Variants in ZNF274 observed in about 807,000 individuals in gnomAD.
ZNF274 encodes the protein zinc finger protein 274.
A neutral mutation model predicts 42.5 loss-of-function variants in ZNF274; 23 were observed. That is an observed-to-expected ratio of 0.54 (90% confidence interval 0.39 to 0.77). The LOEUF is 0.77. Among genes scored for constraint, ZNF274 ranks in the 30% least tolerant of loss-of-function variants. The pLI is 0.00. For synonymous variants in ZNF274, 292 were observed against 305.4 expected (o/e 0.96, Z 0.46); for missense variants, 679 against 806.5 (o/e 0.84, Z 1.91).
At chr19:58,198,606 G>A (rs2075871526) in intron 4 of ZNF274, among the ~76,000 whole-genome samples, 1 of 152,024 alleles carries the variant, frequency 6.6e-6, no homozygotes, top group Admixed American at 6.5e-5. Flanking sequence ...TTTCGGAGGT[G>A]CTGCCCATAA....
At chr19:58,204,266 T>C (rs1050230761) in intron 4 of ZNF274, among the ~76,000 whole-genome samples, 2 of 151,732 alleles carry the variant, frequency 1.3e-5, no homozygotes, top group African/African-American at 4.8e-5. Flanking sequence ...GGGAGAACGG[T>C]ACCGGAAGCC....
chr19:58,200,575 C>G (rs1307152331), intron 4 of ZNF274, among the ~76,000 whole-genome samples: 1 of 151,468 alleles, frequency 6.6e-6, no homozygotes, highest in Admixed American at 6.6e-5. Flanking sequence ...AAAGGCGAAC[C>G]AGGTGAAGAT....
intron 6 of ZNF274, chr19:58,210,311 A>C: frequency 2.3e-6 from 1 of 429,474 alleles, no homozygotes. Flanking sequence ...AGAAAGCAGG[A>C]GGCAAGAGGG....
intron 4 of ZNF274, 60 bp from the exon 5 acceptor site, chr19:58,206,660 G>A: frequency 2.0e-6 from 3 of 1,486,556 alleles, no homozygotes; most frequent in Non-Finnish European, 2.7e-6. Flanking sequence ...GTGAATAATG[G>A]CGTTGAGCAT....
In ZNF274 at chr19:58,187,011, G is replaced by A; in HGVS notation, c.225G>A (p.Val75=). ...QLEEAEDFWP[V]ERGIPQDTIP... Reference sequence around the variant, plus strand: ...AGGAGGCAGAAGATTTCTGGCCAGTGGAGAGAGGAATTCCTCAAGACACCA... The same window carrying A: ...AGGAGGCAGAAGATTTCTGGCCAGTAGAGAGAGGAATTCCTCAAGACACCA... Residue 75 remains valine, a synonymous_variant, in exon 4 of 8, where the codon GTG becomes GTA. Coordinates refer to ENST00000617501, the MANE Select transcript of ZNF274 (RefSeq NM_133502.3). The A allele has an allele frequency of 6.2e-7, 1 of 1,613,234 alleles. No individual in the cohort carries two copies. The highest frequency in any genetic ancestry group is 8.5e-7 in the Non-Finnish European group (1 of 1,179,610).
At chr19:58,186,757 C>G (rs1197352853) in intron 3 of ZNF274, among the ~76,000 whole-genome samples, 190 bp from the exon 4 acceptor site, 2 of 150,006 alleles carry the variant, frequency 1.3e-5, no homozygotes, top group East Asian at 2.0e-4. Flanking sequence ...CAGAACTGGA[C>G]CCCTTAGCTG....
intron 3 of ZNF274, among the ~76,000 whole-genome samples, chr19:58,186,479 T>C (rs921866392): frequency 3.6e-5 from 5 of 137,968 alleles, no homozygotes; most frequent in Non-Finnish European, 7.5e-5. Context: ...GAGATTGCAG[T>C]GAGCTGAGAT....
At position 58,212,312 on chromosome 19, in the gene ZNF274, A is replaced by C; in HGVS notation, c.1131A>C (p.Glu377Asp). 6.2e-7 allele frequency: 1 copy of C among 1,614,030 alleles called. No individual in the cohort carries two copies. Among genetic ancestry groups the C allele is most frequent in the Non-Finnish European group, 8.5e-7 (1 of 1,179,904 alleles). ...ATACCTTGCAGGGTGGGGTCCAGGA[A>C]GTCCAAGACACAGTGTTGAAGCAGA... is the stretch of plus-strand genomic sequence containing the variant. ...LEDTLQGGVQ[E>D]VQDTVLKQME... Residue 377 changes from glutamate to aspartate, a missense_variant, in exon 8 of 8, where the codon GAA becomes GAC. Physicochemically the swap from Glu to Asp is conservative, Grantham distance 45. Coordinates refer to ENST00000617501, the MANE Select transcript of ZNF274 (RefSeq NM_133502.3). This position sits in a 1 kb window ranked among gnomAD's most constrained non-coding sequence, Gnocchi z 4.6.
intron 3 of ZNF274, chr19:58,186,057 T>C: frequency 3.2e-6 from 1 of 312,958 alleles, no homozygotes; most frequent in Non-Finnish European, 5.8e-6. Context: ...GGATGCTTAT[T>C]GTTCTTGCAA....
At chr19:58,204,451 G>A (rs1462310073) in intron 4 of ZNF274, among the ~76,000 whole-genome samples, 1 of 152,144 alleles carries the variant, frequency 6.6e-6, no homozygotes, top group African/African-American at 2.4e-5. Context: ...CTGGGCGAAA[G>A]GGTTAGCTTA....
In ZNF274 at chr19:58,212,005, C is replaced by T. The variant is rs925673171; in HGVS notation, c.980-156C>T. 1.3e-5 allele frequency among the ~76,000 whole-genome samples: 2 copies of T among 152,084 alleles called. No homozygotes were observed. The highest frequency in any genetic ancestry group is 4.8e-5 in the African/African-American group (2 of 41,402). ...CCAAGGTCAGTGCTCCCCTCCCTGC[C>T]GCTTCATTGCTTTTCAGTCTCTCTC... On this transcript the variant is annotated intron_variant, in intron 7 of 7. Coordinates refer to ENST00000617501, the MANE Select transcript of ZNF274 (RefSeq NM_133502.3). The surrounding 1 kb of genome is among the most constrained non-coding windows in gnomAD (Gnocchi z 4.6).
In ZNF274 at chr19:58,206,991, G is replaced by A; in HGVS notation, c.528G>A (p.Arg176=). The change falls in exon 5 of 8, where the codon CGG becomes CGA. Residue 176 remains arginine (R), a synonymous_variant. Coordinates refer to ENST00000617501, the MANE Select transcript of ZNF274 (RefSeq NM_133502.3). Reference sequence around the variant, plus strand: ...GTTATAAGGACATGACAGGTCCCCGGGAGGCCCTGGACCAGCTCCGAGAGC... The same window carrying A: ...GTTATAAGGACATGACAGGTCCCCGAGAGGCCCTGGACCAGCTCCGAGAGC... ...QFRYKDMTGP[R]EALDQLRELC... The A allele has an allele frequency of 6.2e-7, 1 of 1,610,128 alleles. No homozygotes were observed. The highest frequency in any genetic ancestry group is 8.5e-7 in the Non-Finnish European group (1 of 1,178,224).
In ZNF274 at chr19:58,185,750, C is replaced by T. The variant is rs762539901; in HGVS notation, c.72C>T (p.Thr24=). The part of the protein sequence containing the change: ...VTFEDVTLGF[T]PEEWGLLDLK... ...TTGAAGATGTAACACTGGGTTTTACCCCGGAAGAGTGGGGACTGCTGGACC... is the reference window on the plus strand; with the variant it reads ...TTGAAGATGTAACACTGGGTTTTACTCCGGAAGAGTGGGGACTGCTGGACC... The change falls in exon 3 of 8, where the codon ACC becomes ACT. Residue 24 remains threonine, a synonymous_variant. Transcript: ENST00000617501. The T allele has an allele frequency of 4.1e-6, 6 of 1,462,034 alleles. No homozygotes were observed. Among genetic ancestry groups the T allele is most frequent in the African/African-American group, 1.5e-5 (1 of 68,712 alleles). The allele number at this position is 1,462,034 out of a possible 1,614,324, so 90.6% of individuals were successfully genotyped here. A position where few individuals can be genotyped will look rare whatever the true frequency, so the allele number is the denominator to read the frequency against.
intron 4 of ZNF274, among the ~76,000 whole-genome samples, chr19:58,203,156 T>C (rs1211355141): frequency 6.6e-6 from 1 of 152,096 alleles, no homozygotes; most frequent in Non-Finnish European, 1.5e-5. Context: ...AGTGCTGGTC[T>C]GCCACTTAGC....
At position 58,212,183 on chromosome 19, in the gene ZNF274, T is replaced by C; in HGVS notation, c.1002T>C (p.Asn334=). 6.2e-7 allele frequency: 1 copy of C among 1,607,332 alleles called. No individual in the cohort carries two copies. Among genetic ancestry groups the C allele is most frequent in the Non-Finnish European group, 8.5e-7 (1 of 1,179,120 alleles). Reference sequence around the variant, plus strand: ...CAGGGTGGGAGACTACACTGGAAAATAAAGAGTTAGCTCCAAATTCTGACA... The same window carrying C: ...CAGGGTGGGAGACTACACTGGAAAACAAAGAGTTAGCTCCAAATTCTGACA... ...VSVGWETTLE[N]KELAPNSDIP... is the part of the protein sequence containing the mutation. Residue 334 remains asparagine (N), a synonymous_variant, in exon 8 of 8, where the codon AAT becomes AAC. Coordinates refer to ENST00000617501, the MANE Select transcript of ZNF274 (RefSeq NM_133502.3). This position sits in a 1 kb window ranked among gnomAD's most constrained non-coding sequence, Gnocchi z 4.6.
Position 58,212,022 on chromosome 19 carries a change from GTCTC to G in ZNF274, c.980-134_980-131del. Reference sequence around the variant, plus strand: ...CTCCCTGCCGCTTCATTGCTTTTCAGTCTCTCTCCAGGTTGCATGACTCTATTTG... The same window carrying G: ...CTCCCTGCCGCTTCATTGCTTTTCAGTCTCCAGGTTGCATGACTCTATTTG... On this transcript the variant is annotated intron_variant, in intron 7 of 7. Coordinates refer to ENST00000617501, the MANE Select transcript of ZNF274 (RefSeq NM_133502.3). The surrounding 1 kb of genome is among the most constrained non-coding windows in gnomAD (Gnocchi z 4.6). The G allele has an allele frequency of 2.9e-6, 3 of 1,046,786 alleles. No individual in the cohort carries two copies. Among genetic ancestry groups the G allele is most frequent in the Non-Finnish European group, 4.1e-6 (3 of 735,396 alleles). 64.8% of individuals were successfully genotyped at this position (1,046,786 alleles called of 1,614,324 possible). A position where few individuals can be genotyped will look rare whatever the true frequency, so the allele number is the denominator to read the frequency against.
chr19:58,207,737 G>A lies in ZNF274; in HGVS notation c.739+535G>A, dbSNP rs964936403. 6.8e-6 allele frequency among the ~76,000 whole-genome samples: 1 copy of A among 147,586 alleles called. No homozygotes were observed. Among genetic ancestry groups the A allele is most frequent in the Non-Finnish European group, 1.5e-5 (1 of 68,016 alleles). ...CAAGATGGAAGGGATCACAGTAAATGCAAAACTCAGAAAAATCGGTTATGT... is the reference window on the plus strand; with the variant it reads ...CAAGATGGAAGGGATCACAGTAAATACAAAACTCAGAAAAATCGGTTATGT... On this transcript the variant is annotated intron_variant, in intron 5 of 7. Coordinates refer to ENST00000617501, the MANE Select transcript of ZNF274 (RefSeq NM_133502.3). The surrounding 1 kb of genome is among the most constrained non-coding windows in gnomAD (Gnocchi z 5.6).
intron 4 of ZNF274, among the ~76,000 whole-genome samples, chr19:58,201,891 A>G (rs2075916378): frequency 6.6e-6 from 1 of 152,164 alleles, no homozygotes; most frequent in South Asian, 2.1e-4. Context: ...ACTGTCATTG[A>G]TTCAAAAACT....
In ZNF274 at chr19:58,207,091, C is replaced by G. The variant is rs1159256035; in HGVS notation, c.628C>G (p.Leu210Val). The G allele has an allele frequency of 1.2e-6, 2 of 1,613,882 alleles. No homozygotes were observed. The highest frequency in any genetic ancestry group is 3.3e-5 in the Admixed American group (2 of 59,974). Residue 210 changes from leucine to valine, a missense_variant, in exon 5 of 8, where the codon CTA becomes GTA. Coordinates refer to ENST00000617501, the MANE Select transcript of ZNF274 (RefSeq NM_133502.3). This position sits in a 1 kb window ranked among gnomAD's most constrained non-coding sequence, Gnocchi z 5.6. ...GGAGCTGCTGGTGCTGGAGCAGTTC[C>G]TAGGTGCACTGCCTGTGAAGCTCCG... ...ILELLVLEQF[L>V]GALPVKLRTW...
Sources: gnomAD v4.1 joint callset for allele counts (sites outside exome capture counted in the v4.1 genomes callset) on GRCh38, gnomAD v4.1.1 for gene constraint, Gnocchi (gnomAD v3.1) non-coding constraint, MANE v1.5 for transcripts, NCBI Gene and HGNC (gene_info 2026-07-23, HGNC 2026-07-21) for gene names.